BRCA2: variants seen among roughly 807,000 people sequenced by gnomAD.
BRCA2 encodes the protein breast cancer type 2 susceptibility protein.
BRCA2 carries 203 observed loss-of-function variants against 276.7 expected under a neutral mutation model. The observed-to-expected ratio is 0.73, with a 90% CI of 0.65 to 0.82. The LOEUF (loss-of-function observed/expected upper bound fraction) is 0.82. Ranked by LOEUF, BRCA2 falls within the 40% of genes least tolerant of loss-of-function variation. BRCA2 has a pLI of 0.00. For missense variants in BRCA2, 3,920 were observed against 3,915.0 expected (o/e 1.00, Z -0.03); for synonymous variants, 1,289 against 1,338.4 (o/e 0.96, Z 0.81).
intron 2 of BRCA2, among the ~76,000 whole-genome samples, chr13:32,317,309 G>C (rs2072270489): frequency 7.1e-6 from 1 of 141,032 alleles, no homozygotes; most frequent in African/African-American, 2.5e-5. Flanking sequence ...ATAACTTTTT[G>C]AAAACAAGTG....
In BRCA2 at chr13:32,333,262, A is replaced by C; in HGVS notation, c.1784A>C (p.His595Pro). 1 of 1,608,472 alleles carries C rather than the reference A, an allele frequency of 6.2e-7. No homozygotes were observed. The change falls in exon 10 of 27, where the codon CAT becomes CCT. Residue 595 changes from histidine (H) to proline (P), a missense_variant. Physicochemically the swap from His to Pro is moderately conservative, Grantham distance 77. This residue lies in a region of BRCA2 where 3,263 missense variants were observed against 3,156.9 expected (regional missense o/e 1.03). Coordinates refer to ENST00000380152, the MANE Select transcript of BRCA2 (RefSeq NM_000059.4). ...ACAAATAAGTTTATTTATGCTATAC[A>C]TGATGAAACATCTTATAAAGGAAAA... ...KKTNKFIYAI[H>P]DETSYKGKKI...
chr13:32,376,732 C>T lies in BRCA2; in HGVS notation c.8695C>T (p.Gln2899Ter), dbSNP rs397507411. The change falls in exon 21 of 27, where the codon CAA becomes TAA. Residue 2899 changes from glutamine to a stop codon, truncating the protein, a stop_gained. Transcript: ENST00000380152. LOFTEE classifies it high-confidence loss of function. ...ALTRQQVRAL[Q>*]DGAELYEAVK... ...AACAAGACAGCAAGTTCGTGCTTTG[C>T]AAGATGGTGCAGAGCTTTATGAAGC... 6.2e-7 allele frequency: 1 copy of T among 1,614,084 alleles called. No individual in the cohort carries two copies. The highest frequency in any genetic ancestry group is 8.5e-7 in the Non-Finnish European group (1 of 1,180,010).
chr13:32,356,620 G>A lies in BRCA2; in HGVS notation c.7617+11G>A, dbSNP rs1186729245. 1.2e-6 allele frequency: 2 copies of A among 1,613,166 alleles called. No individual in the cohort carries two copies. Among genetic ancestry groups the A allele is most frequent in the Non-Finnish European group, 1.7e-6 (2 of 1,179,138 alleles). On this transcript the variant is annotated intron_variant, in intron 15 of 26. Coordinates refer to ENST00000380152, the MANE Select transcript of BRCA2 (RefSeq NM_000059.4). ...TGTTCTCATAAACAGGTATGTGTTT[G>A]TCTACAATACTGATGGCTTTTATGA...
At chr13:32,359,568 T>C (rs1593922256) in intron 16 of BRCA2, among the ~76,000 whole-genome samples, 1 of 152,390 alleles carries the variant, frequency 6.6e-6, no homozygotes, top group East Asian at 1.9e-4. Context: ...TTTAAATTTC[T>C]GTACATCTTT....
chr13:32,349,209 T>A, intron 13 of BRCA2, among the ~76,000 whole-genome samples: 1 of 123,234 alleles, frequency 8.1e-6, no homozygotes, highest in East Asian at 2.3e-4. Context: ...AGAGTGAGAC[T>A]CTGTCTCAAA....
Position 32,356,628 on chromosome 13 carries a change from T to C in BRCA2, c.7617+19T>C. ...TAAACAGGTATGTGTTTGTCTACAA[T>C]ACTGATGGCTTTTATGACAGAGTGT... On this transcript the variant is annotated intron_variant, in intron 15 of 26. Transcript: ENST00000380152. 1 of 1,612,204 alleles carries C rather than the reference T, an allele frequency of 6.2e-7. No individual in the cohort carries two copies. Among genetic ancestry groups the C allele is most frequent in the East Asian group, 2.2e-5 (1 of 44,878 alleles).
At chr13:32,373,889 A>G (rs1474975284) in intron 20 of BRCA2, among the ~76,000 whole-genome samples, 2 of 152,194 alleles carry the variant, frequency 1.3e-5, no homozygotes, top group African/African-American at 2.4e-5. Context: ...GAGGTTCTCT[A>G]TGAGGGCTCT....
chr13:32,328,622 A>G (rs576345632), intron 7 of BRCA2, among the ~76,000 whole-genome samples: 1 of 152,320 alleles, frequency 6.6e-6, no homozygotes, highest in African/African-American at 2.4e-5. Flanking sequence ...TGAAATGAAA[A>G]TTCTGAGTAC....
At chr13:32,393,874 T>G (rs78065656) in intron 24 of BRCA2, among the ~76,000 whole-genome samples, 1 of 152,172 alleles carries the variant, frequency 6.6e-6, no homozygotes, top group Non-Finnish European at 1.5e-5. Context: ...CAAAAAGATA[T>G]ACTTCATGTC....
In BRCA2 at chr13:32,336,459, A is replaced by G. The variant is rs774968533; in HGVS notation, c.2104A>G (p.Ile702Val). Reference protein sequence around the residue: ...KCNKEKLQLFITPEADSLSCL... With the variant: ...KCNKEKLQLFVTPEADSLSCL... ...TAATAAGGAAAAACTACAGTTATTT[A>G]TTACCCCAGAAGCTGATTCTCTGTC... Residue 702 changes from isoleucine to valine, a missense_variant, in exon 11 of 27, where the codon ATT becomes GTT. By Grantham distance (29) the Ile-to-Val change is conservative. Around this residue, in one of 2 missense-constraint regions of BRCA2, gnomAD observed 3,263 missense variants for 3,156.9 expected, o/e 1.03. Transcript: ENST00000380152. 6.2e-7 allele frequency: 1 copy of G among 1,614,084 alleles called. No individual in the cohort carries two copies. Among genetic ancestry groups the G allele is most frequent in the Non-Finnish European group, 8.5e-7 (1 of 1,180,000 alleles).
In BRCA2 at chr13:32,339,760, A is replaced by G. The variant is rs80358764; in HGVS notation, c.5405A>G (p.Gln1802Arg). ...GTAAAAGATGCAAATGCATACCCAC[A>G]AACTGTAAATGAAGATATTTGCGTT... is the stretch of plus-strand genomic sequence containing the variant. Reference protein sequence around the residue: ...SNVKDANAYPQTVNEDICVEE... With the variant: ...SNVKDANAYPRTVNEDICVEE... The change falls in exon 11 of 27, where the codon CAA (glutamine) becomes CGA (arginine). Residue 1802 changes from glutamine (Q) to arginine (R), a missense_variant. Coordinates refer to ENST00000380152, the MANE Select transcript of BRCA2 (RefSeq NM_000059.4). 5.0e-6 allele frequency: 8 copies of G among 1,613,988 alleles called. No individual in the cohort carries two copies. The highest frequency in any genetic ancestry group is 5.9e-6 in the Non-Finnish European group (7 of 1,179,904).
chr13:32,327,808 G>A (rs1422740688), intron 7 of BRCA2, among the ~76,000 whole-genome samples: 2 of 146,140 alleles, frequency 1.4e-5, no homozygotes, highest in African/African-American at 2.5e-5. Context: ...CTTCTCTGTT[G>A]CCCAGGCTGG....
rs2137524852 is a variant in BRCA2, at chr13:32,340,514, T to C, written c.6159T>C (p.Ser2053=). 1 of 1,613,682 alleles carries C rather than the reference T, an allele frequency of 6.2e-7. No homozygotes were observed. Among genetic ancestry groups the C allele is most frequent in the Non-Finnish European group, 8.5e-7 (1 of 1,179,764 alleles). The change falls in exon 11 of 27, where the codon TCT becomes TCC. Residue 2053 remains serine, a synonymous_variant. Coordinates refer to ENST00000380152, the MANE Select transcript of BRCA2 (RefSeq NM_000059.4). ...TTTCATATAATGTGGTAAATTCATC[T>C]GCTTTCTCTGGATTTAGTACAGCAA... The part of the protein sequence containing the change: ...KGFSYNVVNS[S]AFSGFSTASG...
intron 13 of BRCA2, among the ~76,000 whole-genome samples, chr13:32,351,673 G>A (rs923170729): frequency 1.3e-5 from 2 of 152,104 alleles, no homozygotes; most frequent in Admixed American, 1.3e-4. Context: ...ATGTCACTTA[G>A]ACATATAAAT....
intron 17 of BRCA2, 75 bp downstream of exon 17, chr13:32,362,768 A>T: frequency 1.3e-6 from 2 of 1,528,606 alleles, no homozygotes; most frequent in Non-Finnish European, 1.8e-6. Context: ...TGTGACTTCC[A>T]TGTCAAAATG....
rs786201411 is a variant in BRCA2, at chr13:32,338,789, A to G, written c.4434A>G (p.Leu1478=). 6 of 1,612,876 alleles carry G rather than the reference A, an allele frequency of 3.7e-6. No individual in the cohort carries two copies. Among genetic ancestry groups the G allele is most frequent in the Non-Finnish European group, 5.1e-6 (6 of 1,179,512 alleles). ...TAAGAAAGAACAAAATGGACATTCT[A>G]AGTTATGAGGAAACAGACATAGTTA... ...SDIRKNKMDI[L]SYEETDIVKH... is the part of the protein sequence containing the mutation. Residue 1478 remains leucine, a synonymous_variant, in exon 11 of 27, where the codon CTA becomes CTG. Transcript: ENST00000380152.
At chr13:32,355,840 A>T (rs1225687066) in intron 14 of BRCA2, among the ~76,000 whole-genome samples, 1 of 151,854 alleles carries the variant, frequency 6.6e-6, no homozygotes, top group Non-Finnish European at 1.5e-5. Flanking sequence ...AGATCGCGCC[A>T]TTGCACTCCA....
intron 16 of BRCA2, among the ~76,000 whole-genome samples, chr13:32,358,810 C>T (rs562708921): frequency 8.1e-5 from 12 of 148,514 alleles, no homozygotes; most frequent in South Asian, 2.2e-4. Flanking sequence ...GATGCATGCC[C>T]GTAATCCCAG....
chr13:32,365,025 T>A (rs1371138267), intron 18 of BRCA2, among the ~76,000 whole-genome samples: 1 of 151,944 alleles, frequency 6.6e-6, no homozygotes, highest in African/African-American at 2.4e-5. Flanking sequence ...GGATATAGAA[T>A]TCTAGGTTGA....
Sources: gnomAD v4.1 joint callset for allele counts (sites outside exome capture counted in the v4.1 genomes callset) on GRCh38, gnomAD v4.1.1 for gene constraint, gnomAD v4.1.1 regional missense constraint, MANE v1.5 for transcripts, NCBI Gene and HGNC (gene_info 2026-07-23, HGNC 2026-07-21) for gene names.